Variants in ENOX1 observed in about 807,000 individuals in gnomAD.
The protein encoded by ENOX1 is candidate growth-related and time keeping constitutive hydroquinone (NADH) oxidase.
In ENOX1, 42 loss-of-function variants were observed where a neutral mutation model predicts 82.5. The ratio of observed to expected loss-of-function variants is 0.51; its 90% CI spans 0.40 to 0.66. The LOEUF (loss-of-function observed/expected upper bound fraction) is 0.66. Ranked by LOEUF, ENOX1 falls within the 30% of genes least tolerant of loss-of-function variation. The probability of loss-of-function intolerance (pLI) is 0.00; values close to 1 mark genes in which losing one functional copy is unlikely to be tolerated. For synonymous variants in ENOX1, 271 were observed against 282.2 expected (o/e 0.96, Z 0.40); for missense variants, 608 against 811.6 (o/e 0.75, Z 3.05).
At chr13:43,778,131 T>C (rs1454409525) in intron 1 of ENOX1, among the ~76,000 whole-genome samples, 1 of 152,234 alleles carries the variant, frequency 6.6e-6, no homozygotes, top group Non-Finnish European at 1.5e-5. Flanking sequence ...TATTGTTTGA[T>C]TATTCAGCCT....
At chr13:43,673,169 A>ATG (rs780503530) in intron 1 of ENOX1, among the ~76,000 whole-genome samples, 68 of 121,984 alleles carry the variant, frequency 5.6e-4, no homozygotes, top group African/African-American at 7.1e-4. Context: ...ATTTGTTTGC[A>ATG]TGTGTGTATA....
chr13:43,771,659 T>C (rs1209623524), intron 1 of ENOX1, among the ~76,000 whole-genome samples: 1 of 152,188 alleles, frequency 6.6e-6, no homozygotes, highest in African/African-American at 2.4e-5. Context: ...AAGTCAAAGA[T>C]AAAAATCTCT....
chr13:43,253,943 G>A, intron 14 of ENOX1, among the ~76,000 whole-genome samples: 1 of 152,156 alleles, frequency 6.6e-6, no homozygotes, highest in Non-Finnish European at 1.5e-5. Context: ...GAGCCCTCTA[G>A]GTTTATTTGA....
intron 11 of ENOX1, among the ~76,000 whole-genome samples, chr13:43,317,890 A>C (rs2047600381): frequency 6.6e-6 from 1 of 151,914 alleles, no homozygotes; most frequent in African/African-American, 2.4e-5. Flanking sequence ...CTGTAGTCCT[A>C]GCTACTCGGG....
At chr13:43,388,017 A>G (rs985573457) in intron 5 of ENOX1, among the ~76,000 whole-genome samples, 10 of 152,174 alleles carry the variant, frequency 6.6e-5, no homozygotes, top group African/African-American at 2.4e-4. Flanking sequence ...CAGTATGTCA[A>G]TGAAACCGGA....
At chr13:43,529,478 TTGCTAAGATCTA>T (rs2078121466) in intron 2 of ENOX1, among the ~76,000 whole-genome samples, 1 of 152,048 alleles carries the variant, frequency 6.6e-6, no homozygotes, top group South Asian at 2.1e-4. Flanking sequence ...TATGCTGAGG[TTGCTAAGATCTA>T]TGCTAAGAAT....
At chr13:43,388,511 G>A (rs1325856953) in intron 5 of ENOX1, among the ~76,000 whole-genome samples, 1 of 152,100 alleles carries the variant, frequency 6.6e-6, no homozygotes, top group Non-Finnish European at 1.5e-5. Flanking sequence ...CACTGCACTA[G>A]GAAGTGTCTC....
chr13:43,691,093 A>G (rs2086339189), intron 1 of ENOX1, among the ~76,000 whole-genome samples: 1 of 152,172 alleles, frequency 6.6e-6, no homozygotes, highest in Non-Finnish European at 1.5e-5. Context: ...CATTCTTCTA[A>G]AGCCACAAAG....
chr13:43,241,621 G>A (rs2042837276), intron 14 of ENOX1, among the ~76,000 whole-genome samples: 2 of 152,184 alleles, frequency 1.3e-5, no homozygotes, highest in Admixed American at 1.3e-4. Context: ...CTTGACATGA[G>A]ATTGGAGATT....
At chr13:43,737,096 A>T (rs2089669827) in intron 1 of ENOX1, among the ~76,000 whole-genome samples, 1 of 152,216 alleles carries the variant, frequency 6.6e-6, no homozygotes, top group Non-Finnish European at 1.5e-5. Flanking sequence ...ATTGCACCTT[A>T]TACTTTCCAA....
intron 2 of ENOX1, among the ~76,000 whole-genome samples, chr13:43,565,832 AAAC>A (rs1437079470): frequency 6.6e-6 from 1 of 152,168 alleles, no homozygotes; most frequent in Non-Finnish European, 1.5e-5. Flanking sequence ...TTATGTTAAA[AAAC>A]AAGCAAGCAA....
intron 1 of ENOX1, among the ~76,000 whole-genome samples, chr13:43,774,111 T>C (rs1163913443): frequency 2.0e-5 from 3 of 152,206 alleles, no homozygotes; most frequent in African/African-American, 2.4e-5. Flanking sequence ...TTTGTGATGC[T>C]TGATAGAATC....
intron 2 of ENOX1, among the ~76,000 whole-genome samples, chr13:43,540,222 T>C (rs2078648598): frequency 6.6e-6 from 1 of 152,220 alleles, no homozygotes; most frequent in South Asian, 2.1e-4. Flanking sequence ...GTATCAGATC[T>C]GGTTCAGAAA....
At chr13:43,370,673 G>C (rs1428978986) in intron 5 of ENOX1, among the ~76,000 whole-genome samples, 2 of 152,120 alleles carry the variant, frequency 1.3e-5, no homozygotes, top group South Asian at 4.1e-4. Flanking sequence ...TTTAGGGCTT[G>C]GTTGTTTCTT....
intron 12 of ENOX1, among the ~76,000 whole-genome samples, chr13:43,279,706 T>C (rs762030289): frequency 1.3e-5 from 2 of 152,200 alleles, no homozygotes; most frequent in East Asian, 3.8e-4. Context: ...CTGAGTTAAA[T>C]GAAAGTGCTG....
In ENOX1 at chr13:43,498,774, G is replaced by A. The variant is rs200891994; in HGVS notation, c.-218-14622C>T. On this transcript the variant is annotated intron_variant, in intron 2 of 16. Transcript: ENST00000690772. ...AGCAGGACAGTTAAAATGACTCAAA[G>A]TAGTATCCCTAACATATTAATTACT... Among the ~76,000 whole-genome samples the A allele has an allele frequency of 1.1e-4, 17 of 152,154 alleles. No homozygotes were observed. The East Asian group carries it at 3.3e-3, about 29-fold the overall frequency.
chr13:43,677,741 GCA>G (rs1006702035), intron 1 of ENOX1, among the ~76,000 whole-genome samples: 8 of 152,074 alleles, frequency 5.3e-5, no homozygotes, highest in African/African-American at 1.7e-4. Context: ...ATTATTAAAT[GCA>G]CACATCCTGA....
chr13:43,478,629 AT>A (rs1363184367), intron 3 of ENOX1, among the ~76,000 whole-genome samples: 1 of 152,094 alleles, frequency 6.6e-6, no homozygotes, highest in Non-Finnish European at 1.5e-5. Context: ...AGTATTCCTC[AT>A]TTTACTAGAA....
At chr13:43,263,183 T>C (rs982057166) in intron 14 of ENOX1, among the ~76,000 whole-genome samples, 6 of 152,008 alleles carry the variant, frequency 3.9e-5, no homozygotes, top group African/African-American at 1.5e-4. Context: ...AGAGGGTGAG[T>C]AAGTAATCCA....
Sources: allele counts gnomAD v4.1 joint callset (sites outside exome capture counted in the v4.1 genomes callset), GRCh38; gene constraint gnomAD v4.1.1; transcripts MANE v1.5; gene names NCBI Gene and HGNC (gene_info 2026-07-23, HGNC 2026-07-21).